OSMR: variants seen among roughly 807,000 people sequenced by gnomAD.
OSMR encodes oncostatin-M-specific receptor subunit beta.
In OSMR, 81 loss-of-function variants were observed where a neutral mutation model predicts 99.9. The ratio of observed to expected loss-of-function variants is 0.81; its 90% confidence interval spans 0.68 to 0.97. The LOEUF (loss-of-function observed/expected upper bound fraction) is 0.97, where lower values mean the gene tolerates loss of function less well. OSMR is among the 50% of genes least tolerant of loss of function. The pLI, the probability that OSMR is intolerant of heterozygous loss-of-function variation, is 0.00. For synonymous variants in OSMR, 406 were observed against 410.4 expected, an observed-to-expected ratio of 0.99 and a Z score of 0.13; for missense variants, 1,099 against 1,153.4, an observed-to-expected ratio of 0.95 and a Z score of 0.68.
chr5:38,940,170 C>T (rs1747403206), downstream of OSMR: 1 of 226,204 alleles, frequency 4.4e-6, no homozygotes, highest in East Asian at 6.2e-5. Flanking sequence ...AACATTCAGG[C>T]CAATACTAAC....
chr5:38,858,421 A>C (rs1220691330), intron 1 of OSMR, among the ~76,000 whole-genome samples: 1 of 150,998 alleles, frequency 6.6e-6, no homozygotes, highest in Non-Finnish European at 1.5e-5. Context: ...AGTTCTATCC[A>C]TGTTGCTGCA....
At chr5:38,906,289 T>A (rs1317859463) in intron 9 of OSMR, among the ~76,000 whole-genome samples, 2 of 152,146 alleles carry the variant, frequency 1.3e-5, no homozygotes, top group African/African-American at 4.8e-5. Context: ...AACGCTTAAC[T>A]TTGCTTTTGA....
chr5:38,899,634 C>T (rs975707642), intron 7 of OSMR, among the ~76,000 whole-genome samples: 4 of 152,156 alleles, frequency 2.6e-5, no homozygotes, highest in Admixed American at 2.0e-4. Context: ...GGGTCCTGCT[C>T]GGACTGGGTC....
In OSMR at chr5:38,876,223, G is replaced by A. The variant is rs1476441369; in HGVS notation, c.96G>A (p.Leu32=). ...CAGTCTTGGCTGAACGTTTACCATT[G>A]ACTCCTGTATCACTTAAAGTTTCCA... ...QSEVLAERLP[L]TPVSLKVSTN... is the part of the protein sequence containing the mutation. The change falls in exon 3 of 18, where the codon TTG becomes TTA. Residue 32 remains leucine, a synonymous_variant. Coordinates refer to ENST00000274276, the MANE Select transcript of OSMR (RefSeq NM_003999.3). The A allele has an allele frequency of 6.2e-7, 1 of 1,613,104 alleles. No individual in the cohort carries two copies. The highest frequency in any genetic ancestry group is 8.5e-7 in the Non-Finnish European group (1 of 1,179,498).
intron 9 of OSMR, among the ~76,000 whole-genome samples, chr5:38,905,261 A>C (rs407999): frequency 0.66 from 99,541 of 151,942 alleles, 32,940 homozygotes; most frequent in African/African-American, 0.72. Flanking sequence ...GAGGCCGAGG[A>C]AGGTGGATCA....
intron 7 of OSMR, among the ~76,000 whole-genome samples, chr5:38,889,792 TTTG>T (rs1374748263): frequency 1.3e-5 from 2 of 152,322 alleles, no homozygotes; most frequent in South Asian, 2.1e-4. Context: ...TTTATTGTGT[TTTG>T]TTGTTGTTGA....
At chr5:38,931,530 T>C (rs1746750893) in intron 15 of OSMR, among the ~76,000 whole-genome samples, 1 of 152,098 alleles carries the variant, frequency 6.6e-6, no homozygotes, top group Non-Finnish European at 1.5e-5. Context: ...CCAATGCACA[T>C]GGCTGAGCCC....
At chr5:38,875,687 C>T (rs549079887) in intron 2 of OSMR, among the ~76,000 whole-genome samples, 1 of 152,282 alleles carries the variant, frequency 6.6e-6, no homozygotes, top group East Asian at 1.9e-4. Context: ...TTGCTGGTCT[C>T]ATCGAAAGAG....
intron 1 of OSMR, among the ~76,000 whole-genome samples, chr5:38,848,852 C>T (rs1198773001): frequency 1.3e-5 from 2 of 152,136 alleles, no homozygotes; most frequent in African/African-American, 4.8e-5. Context: ...TGGCTCACTG[C>T]AGCCTCGACC....
chr5:38,876,274 C>T lies in OSMR; in HGVS notation c.147C>T (p.His49=). ...CCAATTCTACGCGTCAGAGTTTGCA[C>T]TTACAATGGACTGTCCACAACCTTC... ...VSTNSTRQSL[H]LQWTVHNLPY... is the part of the protein sequence containing the mutation. Residue 49 remains histidine, a synonymous_variant, in exon 3 of 18, where the codon CAC becomes CAT. Coordinates refer to ENST00000274276, the MANE Select transcript of OSMR (RefSeq NM_003999.3). 3 of 1,613,646 alleles carry T rather than the reference C, an allele frequency of 1.9e-6. No homozygotes were observed. The highest frequency in any genetic ancestry group is 2.5e-6 in the Non-Finnish European group (3 of 1,179,636).
At chr5:38,863,037 G>A (rs769222807) in intron 1 of OSMR, among the ~76,000 whole-genome samples, 4 of 151,960 alleles carry the variant, frequency 2.6e-5, no homozygotes, top group East Asian at 1.9e-4. Flanking sequence ...GGCGGCGTGC[G>A]CCTGCAATCT....
At chr5:38,944,336 A>G in intron 2 of OSMR, 1 of 1,096,318 alleles carries the variant, frequency 9.1e-7, no homozygotes, top group Non-Finnish European at 1.4e-6. Context: ...AATGCAGTTT[A>G]GAACTACTGA....
rs768601518 is a variant in OSMR at position 38,885,411 on chromosome 5, A to T, written c.766A>T (p.Thr256Ser). The T allele has an allele frequency of 7.4e-6, 12 of 1,613,924 alleles. No homozygotes were observed. In the South Asian group the frequency reaches 1.3e-4, roughly 18 times the overall value. Reference protein sequence around the residue: ...ETEDFKTLHCTWDPGTDTALG... With the variant: ...ETEDFKTLHCSWDPGTDTALG... ...CGAGGACTTCAAGACTTTGCACTGT[A>T]CTTGGGATCCTGGGACGGACACTGC... The change falls in exon 6 of 18, where the codon ACT (threonine) becomes TCT (serine). Residue 256 changes from threonine (T) to serine (S), a missense_variant. By Grantham distance (58) the Thr-to-Ser change is moderately conservative (BLOSUM62 1). Coordinates refer to ENST00000274276, the MANE Select transcript of OSMR (RefSeq NM_003999.3).
intron 15 of OSMR, among the ~76,000 whole-genome samples, chr5:38,928,782 T>G (rs960457091): frequency 1.8e-4 from 28 of 152,202 alleles, no homozygotes; most frequent in African/African-American, 6.5e-4. Flanking sequence ...CCAGAACCCC[T>G]TATCTGATTA....
At chr5:38,849,886 G>A (rs1430957646) in intron 1 of OSMR, among the ~76,000 whole-genome samples, 2 of 152,184 alleles carry the variant, frequency 1.3e-5, no homozygotes, top group East Asian at 3.8e-4. Flanking sequence ...GCGCTGTTGT[G>A]AGGATTCAAT....
chr5:38,918,660 T>G, intron 10 of OSMR, 180 bp from the exon 11 acceptor site: 3 of 819,344 alleles, frequency 3.7e-6, no homozygotes, highest in Non-Finnish European at 4.4e-6. Context: ...TCACCTTCAG[T>G]TAGATTTGAA....
At chr5:38,868,116 C>G (rs1379567317) in intron 1 of OSMR, among the ~76,000 whole-genome samples, 2 of 152,182 alleles carry the variant, frequency 1.3e-5, no homozygotes, top group East Asian at 3.9e-4. Flanking sequence ...ATATTTAACT[C>G]TTGTTTCTCT....
At chr5:38,885,313 A>G in intron 5 of OSMR, 36 bp from the exon 6 acceptor site, 1 of 1,612,854 alleles carries the variant, frequency 6.2e-7, no homozygotes, top group Non-Finnish European at 8.5e-7. Flanking sequence ...TCCAATAAAA[A>G]GATTTAACTA....
chr5:38,858,825 A>G (rs951936505), intron 1 of OSMR, among the ~76,000 whole-genome samples: 1 of 152,068 alleles, frequency 6.6e-6, no homozygotes, highest in African/African-American at 2.4e-5. Context: ...ATGACACCTC[A>G]CTGTGGTTTT....
Sources: allele counts gnomAD v4.1 joint callset (sites outside exome capture counted in the v4.1 genomes callset), GRCh38; gene constraint gnomAD v4.1.1; transcripts MANE v1.5; gene names NCBI Gene and HGNC (gene_info 2026-07-23, HGNC 2026-07-21).